The following MARK2 variants were observed in gnomAD, a reference collection of about 807,000 sequenced individuals.
MARK2 encodes serine/threonine-protein kinase MARK2.
MARK2 carries 16 observed loss-of-function variants against 89.8 expected under a neutral mutation model. The ratio of observed to expected loss-of-function variants is 0.18; its 90% confidence interval spans 0.12 to 0.27. MARK2 has a LOEUF of 0.27. MARK2 is among the 10% of genes least tolerant of loss of function. MARK2 has a pLI of 1.00. For missense variants in MARK2, 621 were observed against 1,049.9 expected, an observed-to-expected ratio of 0.59 and a Z score of 5.65; for synonymous variants, 382 against 399.5, an observed-to-expected ratio of 0.96 and a Z score of 0.52.
chr11:63,839,619 C>A, intron 1 of MARK2, 59 bp downstream of exon 1: 3 of 1,096,862 alleles, frequency 2.7e-6, no homozygotes, highest in Admixed American at 2.2e-5. Flanking sequence ...CCTTGCGGAG[C>A]CTCCTCCCTC....
intron 1 of MARK2, among the ~76,000 whole-genome samples, chr11:63,891,132 T>C (rs376509631): frequency 2.0e-5 from 3 of 152,162 alleles, no homozygotes; most frequent in African/African-American, 7.2e-5. Flanking sequence ...CCTTTTTAAA[T>C]ATATTCTTTT....
chr11:63,867,321 G>C (rs1432780035), intron 1 of MARK2, among the ~76,000 whole-genome samples: 1 of 152,214 alleles, frequency 6.6e-6, no homozygotes. Context: ...AGCTACCACA[G>C]TTGGCCAAGG....
chr11:63,840,639 C>T (rs142686763), intron 1 of MARK2, among the ~76,000 whole-genome samples: 1 of 152,160 alleles, frequency 6.6e-6, no homozygotes, highest in Non-Finnish European at 1.5e-5. Context: ...GTTTCTCCAC[C>T]CTCACCCCAT....
At position 63,876,488 on chromosome 11, in the gene MARK2, C is replaced by T. The variant is rs1303734478; in HGVS notation, c.55-18671C>T. The stretch of plus-strand genomic sequence containing the variant: ...TACTGTTTTCAAGACTTGGTAGGGA[C>T]CCCGTTATGGCTGTGGGGTTCTTTG... On this transcript the variant is annotated intron_variant, in intron 1 of 18. Transcript: ENST00000402010. Among the ~76,000 whole-genome samples, 3 of 152,324 alleles carry T rather than the reference C, an allele frequency of 2.0e-5. No individual in the cohort carries two copies. The East Asian group carries it at 5.8e-4, about 29-fold the overall frequency.
intron 4 of MARK2, 22 bp from the exon 5 acceptor site, chr11:63,898,586 G>A: frequency 1.2e-6 from 2 of 1,602,894 alleles, no homozygotes; most frequent in Non-Finnish European, 1.7e-6. Context: ...CTTGACTTAA[G>A]GCTTGGCCTT....
At chr11:63,839,627 C>G (rs995897965) in intron 1 of MARK2, 67 bp downstream of exon 1, 2 of 988,982 alleles carry the variant, frequency 2.0e-6, no homozygotes, top group Non-Finnish European at 3.1e-6. Flanking sequence ...AGCCTCCTCC[C>G]TCTTCTGCTC....
chr11:63,899,244 T>C, intron 7 of MARK2, 136 bp downstream of exon 7: 1 of 656,496 alleles, frequency 1.5e-6, no homozygotes, highest in Non-Finnish European at 2.7e-6. Flanking sequence ...TTTCTTTCTT[T>C]CTTTCTTTTT....
rs115511143 is a variant in MARK2 at position 63,901,739 on chromosome 11, C to T, written c.1102-459C>T. Among the ~76,000 whole-genome samples, 635 of 150,008 alleles carry T rather than the reference C, an allele frequency of 4.2e-3. 7 individuals are homozygous for T. The highest frequency in any genetic ancestry group is 0.015 in the African/African-American group (614 of 40,346). ...GTGTGTGTGTATGTGTCCGTCTTCCCGTCTGTGGATCTGGAGACTTTGTGA... is the reference window on the plus strand; with the variant it reads ...GTGTGTGTGTATGTGTCCGTCTTCCTGTCTGTGGATCTGGAGACTTTGTGA... On this transcript the variant is annotated intron_variant, in intron 11 of 18. Coordinates refer to ENST00000402010, the MANE Select transcript of MARK2 (RefSeq NM_001039469.3).
chr11:63,866,640 C>T (rs1938148115), intron 1 of MARK2, among the ~76,000 whole-genome samples: 1 of 152,200 alleles, frequency 6.6e-6, no homozygotes, highest in Non-Finnish European at 1.5e-5. Context: ...GCTTGTGTAG[C>T]TAATCCACTA....
At chr11:63,876,517 T>C (rs1938764982) in intron 1 of MARK2, among the ~76,000 whole-genome samples, 1 of 152,216 alleles carries the variant, frequency 6.6e-6, no homozygotes, top group African/African-American at 2.4e-5. Flanking sequence ...TTCTTTGTCC[T>C]TGGTAGTTAG....
intron 1 of MARK2, among the ~76,000 whole-genome samples, chr11:63,864,738 C>T (rs780136926): frequency 1.3e-5 from 2 of 148,436 alleles, no homozygotes; most frequent in African/African-American, 2.5e-5. Context: ...TGGATGTAGT[C>T]GGTGGCTCAC....
At chr11:63,857,756 A>G (rs2016941206) in intron 1 of MARK2, among the ~76,000 whole-genome samples, 2 of 152,182 alleles carry the variant, frequency 1.3e-5, no homozygotes, top group African/African-American at 4.8e-5. Flanking sequence ...CAAAATGCAA[A>G]GAGTCCTGAA....
At chr11:63,892,904 ATTTTTTTTT>A (rs896527484) in intron 1 of MARK2, among the ~76,000 whole-genome samples, 1 of 114,686 alleles carries the variant, frequency 8.7e-6, no homozygotes, top group African/African-American at 3.6e-5. Flanking sequence ...TGATTTCTTA[ATTTTTTTTT>A]TTTTTTTTTT....
At position 63,904,046 on chromosome 11, in the gene MARK2, C is replaced by T; in HGVS notation, c.1575C>T (p.Ala525=). ...TASASAAVSA[A]RPRQHQKSMS... Reference sequence around the variant, plus strand: ...CTGCTTCTGCCGCAGTCTCTGCGGCCCGGCCCCGCCAGCACCAGAAATCCA... The same window carrying T: ...CTGCTTCTGCCGCAGTCTCTGCGGCTCGGCCCCGCCAGCACCAGAAATCCA... Residue 525 remains alanine, a synonymous_variant, in exon 15 of 19, where the codon GCC becomes GCT. Transcript: ENST00000402010. This position sits in a 1 kb window ranked among gnomAD's most constrained non-coding sequence, Gnocchi z 6.3. 6.2e-7 allele frequency: 1 copy of T among 1,607,312 alleles called. No individual in the cohort carries two copies. Among genetic ancestry groups the T allele is most frequent in the Non-Finnish European group, 8.5e-7 (1 of 1,179,242 alleles).
chr11:63,896,125 G>A (rs781399460), intron 3 of MARK2, among the ~76,000 whole-genome samples: 3 of 152,204 alleles, frequency 2.0e-5, no homozygotes, highest in Non-Finnish European at 4.4e-5. Context: ...GGCTTTGGTT[G>A]GATCATCTGT....
At position 63,852,164 on chromosome 11, in the gene MARK2, G is replaced by C. The variant is rs115603167; in HGVS notation, c.54+12604G>C. On this transcript the variant is annotated intron_variant, in intron 1 of 18. Transcript: ENST00000402010. Reference sequence around the variant, plus strand: ...ATCACATTCTTCTGGCTAATGAAATGTGTAATTCTGTATTCTTGTGTTTTC... The same window carrying C: ...ATCACATTCTTCTGGCTAATGAAATCTGTAATTCTGTATTCTTGTGTTTTC... Among the ~76,000 whole-genome samples, 428 of 152,332 alleles carry C rather than the reference G, an allele frequency of 2.8e-3. 5 individuals are homozygous for C. Among genetic ancestry groups the C allele is most frequent in the African/African-American group, 9.8e-3 (406 of 41,566 alleles).
chr11:63,876,478 T>C (rs1004089953), intron 1 of MARK2, among the ~76,000 whole-genome samples: 1 of 152,246 alleles, frequency 6.6e-6, no homozygotes, highest in African/African-American at 2.4e-5. Context: ...TTTTCAAGAC[T>C]TGGTAGGGAC....
chr11:63,856,769 T>G (rs12788227), intron 1 of MARK2, among the ~76,000 whole-genome samples: 127 of 7,520 alleles, frequency 0.017, 1 homozygote, highest in African/African-American at 0.1. Context: ...ATTTTTCATG[T>G]TTTTTTTTTT....
At chr11:63,901,790 GT>G (rs1565142612) in intron 11 of MARK2, among the ~76,000 whole-genome samples, 1 of 151,490 alleles carries the variant, frequency 6.6e-6, no homozygotes, top group African/African-American at 2.4e-5. Flanking sequence ...TTTGGGTTTT[GT>G]TCATCATCTG....
Sources: allele counts gnomAD v4.1 joint callset (sites outside exome capture counted in the v4.1 genomes callset), GRCh38; gene constraint gnomAD v4.1.1; non-coding constraint Gnocchi (gnomAD v3.1); transcripts MANE v1.5; gene names NCBI Gene and HGNC (gene_info 2026-07-23, HGNC 2026-07-21).